Variants in BMAL2 observed in about 807,000 individuals in gnomAD.
The protein encoded by BMAL2 is basic helix-loop-helix ARNT-like protein 2.
chr12:27,350,721 C>T, the BMAL2 span, among the ~76,000 whole-genome samples: 4 of 152,094 alleles, frequency 2.6e-5, no homozygotes, highest in East Asian at 7.7e-4. Context: ...GCTCTGTTGC[C>T]CAGGCTGAAG....
the BMAL2 span, among the ~76,000 whole-genome samples, chr12:27,334,607 A>C: frequency 1.3e-5 from 2 of 152,252 alleles, no homozygotes; most frequent in African/African-American, 4.8e-5. Context: ...TGCACCTACT[A>C]ATTCCCCAGA....
chr12:27,400,733 C>T, the BMAL2 span: 2 of 1,612,166 alleles, frequency 1.2e-6, no homozygotes, highest in Non-Finnish European at 1.7e-6. Flanking sequence ...AATTTATAAC[C>T]CGGTTTGCAG....
the BMAL2 span, chr12:27,368,203 TGTACAAA>T: frequency 6.3e-7 from 1 of 1,583,420 alleles, no homozygotes; most frequent in Admixed American, 1.7e-5. Context: ...GATATGGATA[TGTACAAA>T]GTAAAAGTTA....
At chr12:27,403,625 A>G in the BMAL2 span, 3 of 764,688 alleles carry the variant, frequency 3.9e-6, no homozygotes, top group Non-Finnish European at 4.2e-6. Context: ...TAGCCTTCCT[A>G]TATACAAATG....
the BMAL2 span, chr12:27,380,276 G>A: frequency 6.2e-7 from 1 of 1,614,154 alleles, no homozygotes; most frequent in Non-Finnish European, 8.5e-7. Context: ...GAAAAGCGGA[G>A]GAGAGATAAA....
chr12:27,384,394 CTG>C, the BMAL2 span, among the ~76,000 whole-genome samples: 1 of 152,088 alleles, frequency 6.6e-6, no homozygotes, highest in Non-Finnish European at 1.5e-5. Context: ...TTAAAATAAT[CTG>C]TGTATTATCA....
the BMAL2 span, among the ~76,000 whole-genome samples, chr12:27,351,257 A>T: frequency 3.8e-3 from 579 of 152,270 alleles, 3 homozygotes; most frequent in African/African-American, 0.013. Flanking sequence ...CAAAGTGCTC[A>T]GATTTCGGGC....
chr12:27,346,037 C>T, the BMAL2 span, among the ~76,000 whole-genome samples: 3 of 152,188 alleles, frequency 2.0e-5, no homozygotes, highest in Admixed American at 6.5e-5. Context: ...TTCCATCAGA[C>T]GAGAGACAAT....
the BMAL2 span, among the ~76,000 whole-genome samples, chr12:27,379,822 G>A: frequency 6.6e-6 from 1 of 151,548 alleles, no homozygotes; most frequent in Non-Finnish European, 1.5e-5. Context: ...TTTTTTCAGG[G>A]GGAAGATACT....
the BMAL2 span, among the ~76,000 whole-genome samples, chr12:27,403,843 G>C: frequency 6.6e-6 from 1 of 152,086 alleles, no homozygotes; most frequent in Non-Finnish European, 1.5e-5. Context: ...AAACTAGCCT[G>C]TGAATTTAAT....
the BMAL2 span, among the ~76,000 whole-genome samples, chr12:27,350,994 C>CCCCCTT: frequency 3.5e-3 from 326 of 94,274 alleles, no homozygotes; most frequent in African/African-American, 6.3e-3. Flanking sequence ...CCCACCCCCC[C>CCCCCTT]TTTTTTTTTT....
At chr12:27,423,324 CTTTTTTTTTTTT>C in the BMAL2 span, 1 of 85,920 alleles carries the variant, frequency 1.2e-5, no homozygotes, top group African/African-American at 4.5e-5. Flanking sequence ...CTTTTCTTTT[CTTTTTTTTTTTT>C]TTTTTTTTTT....
the BMAL2 span, among the ~76,000 whole-genome samples, chr12:27,381,416 C>CA: frequency 2.0e-5 from 3 of 152,142 alleles, no homozygotes; most frequent in African/African-American, 7.2e-5. Flanking sequence ...GGGGAGGCCT[C>CA]AGGGAGCTTT....
the BMAL2 span, chr12:27,389,725 T>C: frequency 1.6e-4 from 30 of 182,016 alleles, no homozygotes; most frequent in Non-Finnish European, 3.3e-4. Flanking sequence ...TATTTTTTTC[T>C]TCTCTGAAAA....
chr12:27,397,895 G>A, the BMAL2 span, among the ~76,000 whole-genome samples: 2 of 152,238 alleles, frequency 1.3e-5, no homozygotes, highest in Non-Finnish European at 2.9e-5. Context: ...ATGTGTGGCA[G>A]ATGCTATCTG....
the BMAL2 span, among the ~76,000 whole-genome samples, chr12:27,374,996 T>G: frequency 7.9e-5 from 12 of 152,214 alleles, no homozygotes; most frequent in Non-Finnish European, 1.2e-4. Context: ...TTTGGAATAT[T>G]TATAAGCATC....
chr12:27,387,349 C>A, the BMAL2 span: 2 of 1,449,066 alleles, frequency 1.4e-6, no homozygotes, highest in Admixed American at 1.8e-5. Flanking sequence ...ATTTTCCATA[C>A]AATGTTTAAT....
chr12:27,396,791 G>C, the BMAL2 span, among the ~76,000 whole-genome samples: 3 of 152,322 alleles, frequency 2.0e-5, no homozygotes, highest in South Asian at 2.1e-4. Context: ...CTAAGCAATG[G>C]TAAGGGAATG....
the BMAL2 span, chr12:27,370,205 GA>G: frequency 6.2e-7 from 1 of 1,613,944 alleles, no homozygotes; most frequent in Admixed American, 1.7e-5. Flanking sequence ...AACAAGGATA[GA>G]AATATCAGCC....
Sources: gnomAD v4.1 joint callset for allele counts (sites outside exome capture counted in the v4.1 genomes callset) on GRCh38, gnomAD v4.1.1 for gene constraint, MANE v1.5 for transcripts, NCBI Gene and HGNC (gene_info 2026-07-23, HGNC 2026-07-21) for gene names.